The following ITGA11 variants were observed in gnomAD, a reference collection of about 807,000 sequenced individuals.
ITGA11 encodes integrin subunit alpha 11.
A neutral mutation model predicts 141.9 loss-of-function variants in ITGA11; 97 were observed. The observed-to-expected ratio is 0.68, with a 90% confidence interval of 0.58 to 0.81. ITGA11 has a LOEUF of 0.81. Among genes scored for constraint, ITGA11 ranks in the 30% least tolerant of loss-of-function variants. ITGA11 has a pLI of 0.00. For missense variants in ITGA11, 1,387 were observed against 1,559.2 expected (o/e 0.89, Z 1.86); for synonymous variants, 658 against 624.6 (o/e 1.05, Z -0.80).
intron 2 of ITGA11, 41 bp downstream of exon 2, chr15:68,402,877 G>T (rs781466453): frequency 1.4e-6 from 2 of 1,387,468 alleles, no homozygotes; most frequent in Non-Finnish European, 2.0e-6. Flanking sequence ...GCTGGGTGTG[G>T]AATGGTACAG....
intron 1 of ITGA11, among the ~76,000 whole-genome samples, chr15:68,414,599 G>A (rs1896845483): frequency 6.6e-6 from 1 of 152,172 alleles, no homozygotes; most frequent in Admixed American, 6.5e-5. Context: ...CAGTACTGAG[G>A]TTCTGAGTCT....
At chr15:68,362,912 T>C in intron 4 of ITGA11, among the ~76,000 whole-genome samples, 1 of 151,002 alleles carries the variant, frequency 6.6e-6, no homozygotes, top group Non-Finnish European at 1.5e-5. Flanking sequence ...GGTTGATGGA[T>C]GAATGGGTGG....
intron 2 of ITGA11, among the ~76,000 whole-genome samples, chr15:68,384,512 C>T (rs1028929806): frequency 2.6e-5 from 4 of 152,214 alleles, no homozygotes; most frequent in African/African-American, 7.2e-5. Flanking sequence ...GATTTCCACT[C>T]TCCCAGCCCT....
In ITGA11 at chr15:68,300,572, A is replaced by T. The variant is rs1893003723; in HGVS notation, c.*2487T>A. ...GCTCTACCAGGCACTCTTAAGGCTC[A>T]TCTTGGGTATTTATACTTCAGGGTA... is the stretch of plus-strand genomic sequence containing the variant. On this transcript the variant is annotated 3_prime_UTR_variant, in exon 30 of 30. Transcript: ENST00000315757. The T allele has an allele frequency of 6.6e-6, 1 of 152,254 alleles. No homozygotes were observed. Among genetic ancestry groups the T allele is most frequent in the Non-Finnish European group, 1.5e-5 (1 of 68,048 alleles). The allele number at this position is 152,254 out of a possible 1,614,324, so 9.4% of individuals were successfully genotyped here.
chr15:68,330,874 G>A (rs1201593576), intron 15 of ITGA11, 107 bp downstream of exon 15: 1 of 1,300,848 alleles, frequency 7.7e-7, no homozygotes, highest in Non-Finnish European at 1.1e-6. Context: ...TCTAGCTGAG[G>A]GCAGTTAAAG....
chr15:68,421,974 G>A (rs955824012), intron 1 of ITGA11, among the ~76,000 whole-genome samples: 2 of 152,176 alleles, frequency 1.3e-5, no homozygotes, highest in African/African-American at 4.8e-5. Context: ...CACAGCTGAT[G>A]TTTGGCTTGT....
intron 5 of ITGA11, among the ~76,000 whole-genome samples, chr15:68,359,137 T>C (rs1304628614): frequency 2.0e-5 from 3 of 152,056 alleles, no homozygotes; most frequent in Non-Finnish European, 4.4e-5. Flanking sequence ...TAGTAAAGAG[T>C]TGCCTAGAGT....
rs1486886251 is a variant in ITGA11 at position 68,321,145 on chromosome 15, G to A, written c.2408+273C>T. Among the ~76,000 whole-genome samples the A allele has an allele frequency of 1.4e-5, 2 of 144,196 alleles. No individual in the cohort carries two copies. The highest frequency in any genetic ancestry group is 2.1e-4 in the East Asian group (1 of 4,776). 94.6% of individuals were successfully genotyped at this position (144,196 alleles called of 152,430 possible). A position where few individuals can be genotyped will look rare whatever the true frequency, so the allele number is the denominator to read the frequency against. On this transcript the variant is annotated intron_variant, in intron 19 of 29. Coordinates refer to ENST00000315757, the MANE Select transcript of ITGA11 (RefSeq NM_001004439.2). The surrounding 1 kb of genome is among the most constrained non-coding windows in gnomAD (Gnocchi z 4.9). ...CTACCTTTCATCTATTTTGTAATGT[G>A]GGCTCCGAAGAAAGGGTTTCTTTTT...
intron 2 of ITGA11, among the ~76,000 whole-genome samples, chr15:68,374,226 CTTG>C (rs931870484): frequency 2.0e-5 from 3 of 152,234 alleles, no homozygotes; most frequent in African/African-American, 7.2e-5. Context: ...TTATTTCTCT[CTTG>C]TTGTTTAACT....
At chr15:68,428,903 G>C (rs1317903443) in intron 1 of ITGA11, among the ~76,000 whole-genome samples, 2 of 152,210 alleles carry the variant, frequency 1.3e-5, no homozygotes, top group Non-Finnish European at 2.9e-5. Flanking sequence ...ATGATCAAGA[G>C]TTTGGGCCAG....
intron 2 of ITGA11, among the ~76,000 whole-genome samples, chr15:68,396,973 T>C (rs1393425810): frequency 1.8e-4 from 5 of 27,898 alleles, no homozygotes; most frequent in Non-Finnish European, 3.0e-4. Context: ...ATAAATAATA[T>C]ATTATATATT....
Position 68,308,741 on chromosome 15 carries a change from C to CACAAG in ITGA11, c.3175-1046_3175-1045insCTTGT. Among the ~76,000 whole-genome samples, 1 of 20,362 alleles carries CACAAG rather than the reference C, an allele frequency of 4.9e-5. No homozygotes were observed. The highest frequency in any genetic ancestry group is 1.1e-3 in the East Asian group (1 of 944). The allele number at this position is 20,362 out of a possible 152,430, so 13.4% of individuals were successfully genotyped here. A position where few individuals can be genotyped will look rare whatever the true frequency, so the allele number is the denominator to read the frequency against. On this transcript the variant is annotated intron_variant, in intron 26 of 29. Coordinates refer to ENST00000315757, the MANE Select transcript of ITGA11 (RefSeq NM_001004439.2). This position sits in a 1 kb window ranked among gnomAD's most constrained non-coding sequence, Gnocchi z 5.2. ...TGGGTGACCGAGCCAGACTCTGTCT[C>CACAAG]AAAAGAAAAGAAAAGAAAAGAAAGA...
At chr15:68,319,537 C>T (rs921269342) in intron 20 of ITGA11, among the ~76,000 whole-genome samples, 1 of 152,154 alleles carries the variant, frequency 6.6e-6, no homozygotes, top group Non-Finnish European at 1.5e-5. Context: ...GTGAGATGGG[C>T]CTTGAATGCC....
At chr15:68,412,703 T>G (rs1392740667) in intron 1 of ITGA11, among the ~76,000 whole-genome samples, 2 of 124,434 alleles carry the variant, frequency 1.6e-5, no homozygotes, top group Admixed American at 1.0e-4. Flanking sequence ...TGAGACAGAG[T>G]CTCGTTCTGT....
At chr15:68,401,897 G>A (rs553041088) in intron 2 of ITGA11, among the ~76,000 whole-genome samples, 1 of 152,280 alleles carries the variant, frequency 6.6e-6, no homozygotes, top group Non-Finnish European at 1.5e-5. Context: ...AAAAGAATAC[G>A]AGAGAATTAG....
intron 1 of ITGA11, among the ~76,000 whole-genome samples, chr15:68,427,157 T>C (rs1566947100): frequency 6.6e-6 from 1 of 152,030 alleles, no homozygotes; most frequent in Non-Finnish European, 1.5e-5. Flanking sequence ...ATTGTAGCAG[T>C]GACTTTGTGC....
chr15:68,305,435 A>G lies in ITGA11; in HGVS notation c.3382-1550T>C, dbSNP rs997241887. On this transcript the variant is annotated intron_variant, in intron 28 of 29. Transcript: ENST00000315757. The surrounding 1 kb of genome is among the most constrained non-coding windows in gnomAD (Gnocchi z 4.6). The stretch of plus-strand genomic sequence containing the variant: ...CTGCCTGGAATGTCAGCTGTAGGAG[A>G]GTGGGGGCTTTGTCTGTTTTGTCCC... Among the ~76,000 whole-genome samples the G allele has an allele frequency of 2.6e-5, 4 of 152,062 alleles. No individual in the cohort carries two copies. The highest frequency in any genetic ancestry group is 5.9e-5 in the Non-Finnish European group (4 of 68,010).
chr15:68,405,738 G>C (rs1896637194), intron 1 of ITGA11, among the ~76,000 whole-genome samples: 1 of 152,026 alleles, frequency 6.6e-6, no homozygotes, highest in Admixed American at 6.5e-5. Flanking sequence ...GAGAGAGAGA[G>C]AGACACCAGT....
chr15:68,355,299 C>T (rs1370490985), intron 7 of ITGA11, among the ~76,000 whole-genome samples: 1 of 152,134 alleles, frequency 6.6e-6, no homozygotes, highest in Non-Finnish European at 1.5e-5. Context: ...TGGAGAAATG[C>T]TCATTTAGGA....
Sources: allele counts gnomAD v4.1 joint callset (sites outside exome capture counted in the v4.1 genomes callset), GRCh38; gene constraint gnomAD v4.1.1; non-coding constraint Gnocchi (gnomAD v3.1); transcripts MANE v1.5; gene names NCBI Gene and HGNC (gene_info 2026-07-23, HGNC 2026-07-21).